The following ZNF287 variants were observed in gnomAD, a reference collection of about 807,000 sequenced individuals.
ZNF287 encodes zinc finger protein with KRAB and SCAN domains 13.
Under a neutral mutation model 73.7 loss-of-function variants are expected in ZNF287, and 31 were observed. The observed-to-expected ratio is 0.42, with a 90% CI of 0.32 to 0.57. The LOEUF (loss-of-function observed/expected upper bound fraction) is 0.57, where lower values mean the gene tolerates loss of function less well. Among genes scored for constraint, ZNF287 ranks in the 20% least tolerant of loss-of-function variants. The probability of loss-of-function intolerance (pLI) is 0.13; values close to 1 mark genes in which losing one functional copy is unlikely to be tolerated. For synonymous variants in ZNF287, 301 were observed against 307.2 expected (o/e 0.98, Z 0.21); for missense variants, 641 against 909.3 (o/e 0.70, Z 3.79).
At chr17:16,556,328 A>G (rs141331212) in intron 5 of ZNF287, among the ~76,000 whole-genome samples, 2 of 152,306 alleles carry the variant, frequency 1.3e-5, no homozygotes, top group East Asian at 3.9e-4. Context: ...ACCTAAGAAA[A>G]TGTTTAGGAG....
intron 3 of ZNF287, among the ~76,000 whole-genome samples, chr17:16,566,208 C>T (rs1337026031): frequency 6.6e-6 from 1 of 152,166 alleles, no homozygotes; most frequent in East Asian, 1.9e-4. Flanking sequence ...AGTATCTTGT[C>T]CCAAATTGCA....
chr17:16,567,557 C>T lies in ZNF287; in HGVS notation c.175G>A (p.Asp59Asn). 6.2e-7 allele frequency: 1 copy of T among 1,614,200 alleles called. No homozygotes were observed. Among genetic ancestry groups the T allele is most frequent in the Non-Finnish European group, 8.5e-7 (1 of 1,180,038 alleles). The change falls in exon 2 of 6, where the codon GAC becomes AAC. Residue 59 changes from aspartate (D) to asparagine (N), a missense_variant. By Grantham distance (23) the Asp-to-Asn change is conservative (BLOSUM62 1). Transcript: ENST00000395825. The part of the protein sequence containing the change: ...RQNFRNFPYP[D>N]LAGPRKALSQ... ...AATGCCTTTCGAGGACCAGCCAGGT[C>T]TGGGTATGGAAAATTCCTAAAATTC...
At chr17:16,563,978 A>G (rs1459400880) in intron 3 of ZNF287, among the ~76,000 whole-genome samples, 153 bp from the exon 4 acceptor site, 1 of 152,206 alleles carries the variant, frequency 6.6e-6, no homozygotes, top group South Asian at 2.1e-4. Context: ...CCCCTGACAT[A>G]TGGACAGCCC....
chr17:16,552,906 A>C lies in ZNF287; in HGVS notation c.1236T>G (p.Ile412Met). The change falls in exon 6 of 6, where the codon ATT becomes ATG. Residue 412 changes from isoleucine (I) to methionine (M), a missense_variant. This residue lies in a region of ZNF287 where 284 missense variants were observed against 466.8 expected (regional missense o/e 0.61). Coordinates refer to ENST00000395825, the MANE Select transcript of ZNF287 (RefSeq NM_020653.4). This position sits in a 1 kb window ranked among gnomAD's most constrained non-coding sequence, Gnocchi z 6.5. Reference protein sequence around the residue: ...GKEFRHISSLIAHQRMHTGEK... With the variant: ...GKEFRHISSLMAHQRMHTGEK... ...CTCCAGTGTGCATTCTCTGATGTGCAATAAGGGATGAGATATGCCTAAACT... is the reference window on the plus strand; with the variant it reads ...CTCCAGTGTGCATTCTCTGATGTGCCATAAGGGATGAGATATGCCTAAACT... The C allele has an allele frequency of 6.2e-7, 1 of 1,614,192 alleles. No homozygotes were observed. The highest frequency in any genetic ancestry group is 8.5e-7 in the Non-Finnish European group (1 of 1,180,030).
Position 16,546,996 on chromosome 17 carries a change from A to G in ZNF287, c.*4860T>C, listed in dbSNP as rs919418267. Among the ~76,000 whole-genome samples, 1 of 152,238 alleles carries G rather than the reference A, an allele frequency of 6.6e-6. No individual in the cohort carries two copies. Among genetic ancestry groups the G allele is most frequent in the African/African-American group, 2.4e-5 (1 of 41,472 alleles). ...CCATTTTTAATGGTTATAGTGTTCT[A>G]AGGGGCTAATAATTATGAAAGATAG... On this transcript the variant is annotated 3_prime_UTR_variant, in exon 6 of 6. Transcript: ENST00000395825.
rs1428088416 is a variant in ZNF287 at position 16,549,519 on chromosome 17, G to GT, written c.*2336dup. On this transcript the variant is annotated 3_prime_UTR_variant, in exon 6 of 6. Coordinates refer to ENST00000395825, the MANE Select transcript of ZNF287 (RefSeq NM_020653.4). The stretch of plus-strand genomic sequence containing the variant: ...TTTAAAAAACAGCTATATAAGCACA[G>GT]TTTGAGTATTCTGCAACCTGTACTT... 6.6e-6 allele frequency among the ~76,000 whole-genome samples: 1 copy of GT among 152,186 alleles called. No individual in the cohort carries two copies. Among genetic ancestry groups the GT allele is most frequent in the East Asian group, 1.9e-4 (1 of 5,200 alleles).
chr17:16,567,146 G>A (rs545530496), intron 2 of ZNF287, among the ~76,000 whole-genome samples, 183 bp downstream of exon 2: 3 of 152,228 alleles, frequency 2.0e-5, no homozygotes, highest in African/African-American at 7.2e-5. Flanking sequence ...GCAGGATGGA[G>A]CTCATGTTAA....
chr17:16,563,249 TA>T lies in ZNF287; in HGVS notation c.629-18del. 1 of 1,569,672 alleles carries T rather than the reference TA, an allele frequency of 6.4e-7. No homozygotes were observed. The highest frequency in any genetic ancestry group is 8.7e-7 in the Non-Finnish European group (1 of 1,153,220). Reference sequence around the variant, plus strand: ...CTGTAAGTCCTGTTCAGGAGGAATATAAAGAATTTTATCCTGGAGATAAATG... The same window carrying T: ...CTGTAAGTCCTGTTCAGGAGGAATATAAGAATTTTATCCTGGAGATAAATG... On this transcript the variant is annotated intron_variant, in intron 4 of 5. Transcript: ENST00000395825.
In ZNF287 at chr17:16,551,941, C is replaced by T; in HGVS notation, c.2201G>A (p.Cys734Tyr). The change falls in exon 6 of 6, where the codon TGT (cysteine) becomes TAT (tyrosine). Residue 734 changes from cysteine (C) to tyrosine (Y), a missense_variant. Physicochemically the swap from Cys to Tyr is radical, Grantham distance 194 (BLOSUM62 -2). Transcript: ENST00000395825. ...RIHTGEKPYACRICGKTFTQS... is the reference protein window; with the variant it reads ...RIHTGEKPYAYRICGKTFTQS... ...GGTGAAGGTTTTACCACATATACGA[C>T]ATGCATAGGGTTTCTCTCCTGTGTG... 1 of 1,614,088 alleles carries T rather than the reference C, an allele frequency of 6.2e-7. No homozygotes were observed. Among genetic ancestry groups the T allele is most frequent in the Non-Finnish European group, 8.5e-7 (1 of 1,179,958 alleles).
chr17:16,563,946 G>C (rs1263121289), intron 3 of ZNF287, 121 bp from the exon 4 acceptor site: 3 of 1,202,136 alleles, frequency 2.5e-6, no homozygotes, highest in Non-Finnish European at 3.4e-6. Context: ...TAGGATCCTA[G>C]AAGTTGTCTA....
At chr17:16,567,080 T>C (rs1907790904) in intron 2 of ZNF287, among the ~76,000 whole-genome samples, 1 of 152,214 alleles carries the variant, frequency 6.6e-6, no homozygotes. Flanking sequence ...GACGTTTTTC[T>C]TGGGGGTTTA....
intron 5 of ZNF287, chr17:16,558,298 A>G (rs1190288325): frequency 6.6e-6 from 1 of 152,020 alleles, no homozygotes; most frequent in East Asian, 1.9e-4. Context: ...CTAAGGTAGC[A>G]TATCTTTTTT....
intron 5 of ZNF287, chr17:16,559,010 A>G (rs557627329): frequency 6.6e-6 from 1 of 152,170 alleles, no homozygotes; most frequent in East Asian, 1.9e-4. Flanking sequence ...AAATAATAAA[A>G]TAAAATAAAA....
In ZNF287 at chr17:16,548,269, G is replaced by C. The variant is rs1906400885; in HGVS notation, c.*3587C>G. ...TTGGGAAGATCTGGTGACCTCAAAT[G>C]AGTGATCCATTGATAATGAGTCAAC... On this transcript the variant is annotated 3_prime_UTR_variant, in exon 6 of 6. Coordinates refer to ENST00000395825, the MANE Select transcript of ZNF287 (RefSeq NM_020653.4). Among the ~76,000 whole-genome samples, 1 of 152,244 alleles carries C rather than the reference G, an allele frequency of 6.6e-6. No individual in the cohort carries two copies. The highest frequency in any genetic ancestry group is 6.5e-5 in the Admixed American group (1 of 15,282).
intron 4 of ZNF287, 179 bp from the exon 5 acceptor site, chr17:16,563,411 T>C: frequency 1.7e-6 from 1 of 603,730 alleles, no homozygotes. Context: ...AGGATAACAA[T>C]TTCCTGCCAC....
At chr17:16,555,390 G>A (rs1597465481) in intron 5 of ZNF287, among the ~76,000 whole-genome samples, 1 of 152,244 alleles carries the variant, frequency 6.6e-6, no homozygotes, top group Middle Eastern at 3.4e-3. Context: ...GCACATGACT[G>A]TAATTCACAA....
chr17:16,567,429 C>A lies in ZNF287; in HGVS notation c.303G>T (p.Leu101=). ...TTACCCAAGTCCTAACCTCACCAGG[C>A]AGGATGGTCAGGAATTGCTCCAGCA... ...LLVLEQFLTI[L]PGEVRTWVKS... Residue 101 remains leucine, a synonymous_variant, in exon 2 of 6, where the codon CTG becomes CTT. Coordinates refer to ENST00000395825, the MANE Select transcript of ZNF287 (RefSeq NM_020653.4). The A allele has an allele frequency of 6.2e-7, 1 of 1,614,214 alleles. No homozygotes were observed. Among genetic ancestry groups the A allele is most frequent in the Non-Finnish European group, 8.5e-7 (1 of 1,180,036 alleles).
In ZNF287 at chr17:16,549,673, G is replaced by A. The variant is rs1238492127; in HGVS notation, c.*2183C>T. Among the ~76,000 whole-genome samples the A allele has an allele frequency of 6.6e-6, 1 of 152,108 alleles. No homozygotes were observed. The highest frequency in any genetic ancestry group is 1.5e-5 in the Non-Finnish European group (1 of 68,014). ...ATCCTGGGTCTTTCCTTCAGTACCT[G>A]TTTGTAGGATGGTTTTATAAACAGT... On this transcript the variant is annotated 3_prime_UTR_variant, in exon 6 of 6. Transcript: ENST00000395825.
chr17:16,566,344 G>T (rs1050178778), intron 3 of ZNF287, among the ~76,000 whole-genome samples, 181 bp downstream of exon 3: 1 of 152,166 alleles, frequency 6.6e-6, no homozygotes, highest in African/African-American at 2.4e-5. Flanking sequence ...GAAGGCAATG[G>T]AAGCACCTTT....
Sources: allele counts gnomAD v4.1 joint callset (sites outside exome capture counted in the v4.1 genomes callset), GRCh38; gene constraint gnomAD v4.1.1; regional missense constraint gnomAD v4.1.1; non-coding constraint Gnocchi (gnomAD v3.1); transcripts MANE v1.5; gene names NCBI Gene and HGNC (gene_info 2026-07-23, HGNC 2026-07-21).